KLHL1: variants seen among roughly 807,000 people sequenced by gnomAD.
The protein encoded by KLHL1 is kelch like family member 1.
KLHL1 carries 47 observed loss-of-function variants against 77.7 expected under a neutral mutation model. The observed-to-expected ratio is 0.60, with a 90% CI of 0.48 to 0.77. The LOEUF (loss-of-function observed/expected upper bound fraction) is 0.77. Among genes scored for constraint, KLHL1 ranks in the 30% least tolerant of loss-of-function variants. The probability of loss-of-function intolerance (pLI) is 0.00; values close to 1 mark genes in which losing one functional copy is unlikely to be tolerated. For synonymous variants in KLHL1, 360 were observed against 325.2 expected (o/e 1.11, Z -1.15); for missense variants, 925 against 910.8 (o/e 1.02, Z -0.20).
chr13:69,999,053 G>A (rs1885224361), intron 1 of KLHL1, among the ~76,000 whole-genome samples: 1 of 151,938 alleles, frequency 6.6e-6, no homozygotes, highest in South Asian at 2.1e-4. Context: ...TCTCCATCAA[G>A]TAAGCACAGA....
At chr13:69,868,969 G>A (rs966761181) in intron 5 of KLHL1, among the ~76,000 whole-genome samples, 11 of 152,122 alleles carry the variant, frequency 7.2e-5, no homozygotes, top group South Asian at 2.1e-4. Flanking sequence ...ATGGCATCAC[G>A]TAGTAATTCA....
At chr13:69,850,021 A>C (rs1879621287) in intron 5 of KLHL1, among the ~76,000 whole-genome samples, 1 of 151,548 alleles carries the variant, frequency 6.6e-6, no homozygotes, top group Non-Finnish European at 1.5e-5. Flanking sequence ...TAAATGATTT[A>C]TTCCAGACCC....
intron 1 of KLHL1, among the ~76,000 whole-genome samples, chr13:70,099,191 C>T (rs1381504181): frequency 6.6e-6 from 1 of 151,730 alleles, no homozygotes. Context: ...TTGTAAATTG[C>T]ACTATACAGT....
intron 6 of KLHL1, among the ~76,000 whole-genome samples, chr13:69,797,521 T>TG (rs1359189962): frequency 5.3e-5 from 8 of 152,040 alleles, no homozygotes; most frequent in African/African-American, 1.7e-4. Context: ...AAAAATAATC[T>TG]GGGGAAGAGC....
At chr13:70,014,731 G>A (rs1363097678) in intron 1 of KLHL1, among the ~76,000 whole-genome samples, 1 of 152,078 alleles carries the variant, frequency 6.6e-6, no homozygotes, top group African/African-American at 2.4e-5. Context: ...TGAATGATGA[G>A]ATAATGTTAG....
chr13:70,005,396 G>A (rs904025837), intron 1 of KLHL1, among the ~76,000 whole-genome samples: 3 of 151,932 alleles, frequency 2.0e-5, no homozygotes, highest in Admixed American at 6.6e-5. Flanking sequence ...CAAGCCACAT[G>A]CAGCCCAAGA....
chr13:70,077,297 A>G lies in KLHL1; in HGVS notation c.497+29906T>C, dbSNP rs184946371. ...CAACAATAAAAAGATATGAGCTCTTAAGTCTCAAAAATACATGGAGGAAAC... is the reference window on the plus strand; with the variant it reads ...CAACAATAAAAAGATATGAGCTCTTGAGTCTCAAAAATACATGGAGGAAAC... On this transcript the variant is annotated intron_variant, in intron 1 of 10. Coordinates refer to ENST00000377844, the MANE Select transcript of KLHL1 (RefSeq NM_020866.3). Among the ~76,000 whole-genome samples, 177 of 152,100 alleles carry G rather than the reference A, an allele frequency of 1.2e-3. 1 individual carries two copies. Among genetic ancestry groups the G allele is most frequent in the African/African-American group, 4.0e-3 (167 of 41,498 alleles).
rs1316398623 is a variant in KLHL1 at position 69,818,219 on chromosome 13, C to CTTTTTTTTTTTTTTTTTT, written c.1414+20739_1414+20756dup. Reference sequence around the variant, plus strand: ...AGAATTTAACTTAACTCATAGGCATCTTTTTTTTTTTTTTTTTTTTGAGAC... The same window carrying CTTTTTTTTTTTTTTTTTT: ...AGAATTTAACTTAACTCATAGGCATCTTTTTTTTTTTTTTTTTTTTTTTTTTTTTTTTTTTTTTGAGAC... On this transcript the variant is annotated intron_variant, in intron 6 of 10. Transcript: ENST00000377844. 1.9e-4 allele frequency among the ~76,000 whole-genome samples: 22 copies of CTTTTTTTTTTTTTTTTTT among 112,904 alleles called. 4 individuals carry two copies. Among genetic ancestry groups the CTTTTTTTTTTTTTTTTTT allele is most frequent in the African/African-American group, 7.6e-4 (19 of 25,096 alleles). The allele number at this position is 112,904 out of a possible 152,430, so 74.1% of individuals were successfully genotyped here. A position where few individuals can be genotyped will look rare whatever the true frequency, so the allele number is the denominator to read the frequency against.
chr13:69,760,766 A>C (rs938387519), intron 7 of KLHL1, among the ~76,000 whole-genome samples: 1 of 152,202 alleles, frequency 6.6e-6, no homozygotes, highest in Non-Finnish European at 1.5e-5. Flanking sequence ...ATGTTTCTGC[A>C]CATCAATAAG....
intron 7 of KLHL1, among the ~76,000 whole-genome samples, chr13:69,791,581 T>C (rs890555500): frequency 2.6e-5 from 4 of 152,156 alleles, no homozygotes; most frequent in African/African-American, 9.7e-5. Flanking sequence ...GGCATAAAGA[T>C]ATACACATAG....
chr13:70,041,908 G>A (rs1886387262), intron 1 of KLHL1, among the ~76,000 whole-genome samples: 1 of 152,128 alleles, frequency 6.6e-6, no homozygotes, highest in Non-Finnish European at 1.5e-5. Context: ...TTTGTTGGCA[G>A]GAGGGGAAGT....
intron 1 of KLHL1, among the ~76,000 whole-genome samples, chr13:70,071,676 G>T (rs1887140288): frequency 6.6e-6 from 1 of 151,858 alleles, no homozygotes; most frequent in Admixed American, 6.6e-5. Flanking sequence ...CAATAAAAAA[G>T]GATAACTGGA....
At chr13:70,086,739 A>G (rs987144233) in intron 1 of KLHL1, among the ~76,000 whole-genome samples, 9 of 146,058 alleles carry the variant, frequency 6.2e-5, no homozygotes, top group African/African-American at 2.3e-4. Context: ...TACCTCTTAT[A>G]TGTAGTGCCT....
chr13:69,742,614 A>T (rs1333314771), intron 7 of KLHL1, among the ~76,000 whole-genome samples: 1 of 152,196 alleles, frequency 6.6e-6, no homozygotes, highest in East Asian at 1.9e-4. Flanking sequence ...GAATAAGTAC[A>T]TTGTTCCCAA....
At chr13:69,916,629 T>C (rs1027008044) in intron 4 of KLHL1, among the ~76,000 whole-genome samples, 10 of 151,960 alleles carry the variant, frequency 6.6e-5, no homozygotes, top group Non-Finnish European at 1.5e-4. Flanking sequence ...TTAGGAGATA[T>C]ACGTAATGTT....
chr13:70,050,536 G>A (rs1886604712), intron 1 of KLHL1, among the ~76,000 whole-genome samples: 1 of 151,790 alleles, frequency 6.6e-6, no homozygotes, highest in Admixed American at 6.6e-5. Flanking sequence ...GGACAAGAGT[G>A]GATGACTGAT....
intron 1 of KLHL1, among the ~76,000 whole-genome samples, chr13:69,990,302 T>C (rs1440703910): frequency 6.6e-6 from 1 of 151,608 alleles, no homozygotes; most frequent in Non-Finnish European, 1.5e-5. Flanking sequence ...AATGCCTGGA[T>C]AAAATCTACA....
intron 7 of KLHL1, among the ~76,000 whole-genome samples, chr13:69,791,831 A>G (rs1318895323): frequency 1.3e-5 from 2 of 152,298 alleles, no homozygotes. Context: ...AAACTTTAAA[A>G]AGACAACACA....
intron 3 of KLHL1, among the ~76,000 whole-genome samples, chr13:69,955,868 C>CAT (rs956823874): frequency 2.9e-5 from 4 of 138,952 alleles, no homozygotes; most frequent in South Asian, 4.3e-4. Context: ...AAAATACTAG[C>CAT]ATATATATAT....
Sources: allele counts gnomAD v4.1 joint callset (sites outside exome capture counted in the v4.1 genomes callset), GRCh38; gene constraint gnomAD v4.1.1; transcripts MANE v1.5; gene names NCBI Gene and HGNC (gene_info 2026-07-23, HGNC 2026-07-21).